Variants in NAV2 observed in about 807,000 individuals in gnomAD.
NAV2 encodes neuron navigator 2.
In NAV2, 54 loss-of-function variants were observed where a neutral mutation model predicts 223.2. The ratio of observed to expected loss-of-function variants is 0.24; its 90% CI spans 0.19 to 0.30. The LOEUF (loss-of-function observed/expected upper bound fraction) is 0.30, where lower values mean the gene tolerates loss of function less well. NAV2 is among the 10% of genes least tolerant of loss of function. The pLI, the probability that NAV2 is intolerant of heterozygous loss-of-function variation, is 1.00. For synonymous variants in NAV2, 1,279 were observed against 1,239.3 expected (o/e 1.03, Z -0.67); for missense variants, 2,806 against 3,147.5 (o/e 0.89, Z 2.60).
chr11:19,469,215 G>A (rs1336739406), intron 1 of NAV2, among the ~76,000 whole-genome samples: 3 of 152,182 alleles, frequency 2.0e-5, no homozygotes, highest in African/African-American at 4.8e-5. Context: ...TCTTGCTCCA[G>A]TTCTAGCACC....
intron 2 of NAV2, among the ~76,000 whole-genome samples, chr11:19,832,834 G>C (rs61879373): frequency 0.11 from 16,566 of 152,204 alleles, 1,058 homozygotes; most frequent in Admixed American, 0.16. Flanking sequence ...TAGAAGAAAG[G>C]CTGGCCAAGG....
intron 35 of NAV2, chr11:20,107,239 G>C (rs1052298945): frequency 6.7e-6 from 1 of 150,220 alleles, no homozygotes; most frequent in African/African-American, 2.5e-5. Flanking sequence ...CACCACGCCT[G>C]GCTAGTTTTT....
At chr11:19,477,314 A>T (rs763539766) in intron 1 of NAV2, among the ~76,000 whole-genome samples, 10 of 152,218 alleles carry the variant, frequency 6.6e-5, no homozygotes, top group Non-Finnish European at 1.2e-4. Context: ...ACATTACACC[A>T]AAACCTCCTA....
chr11:20,072,848 G>A (rs1187974553), intron 22 of NAV2, among the ~76,000 whole-genome samples: 3 of 152,054 alleles, frequency 2.0e-5, no homozygotes, highest in Non-Finnish European at 4.4e-5. Context: ...GAGAAGATGG[G>A]GTTTTCTAAA....
intron 1 of NAV2, among the ~76,000 whole-genome samples, chr11:19,392,644 T>G (rs1590110892): frequency 6.6e-6 from 1 of 152,270 alleles, no homozygotes; most frequent in East Asian, 1.9e-4. Context: ...CAGCATCACT[T>G]CTCCAGCATT....
intron 1 of NAV2, among the ~76,000 whole-genome samples, chr11:19,735,965 A>G (rs935913390): frequency 1.3e-5 from 2 of 152,200 alleles, no homozygotes; most frequent in African/African-American, 4.8e-5. Flanking sequence ...TGGGGGCAAC[A>G]TCAGCCTGAC....
chr11:19,392,889 T>C (rs2133231219), intron 1 of NAV2, among the ~76,000 whole-genome samples: 1 of 152,322 alleles, frequency 6.6e-6, no homozygotes. Context: ...TTATTTACAA[T>C]TGAAGTGACT....
intron 1 of NAV2, among the ~76,000 whole-genome samples, chr11:19,469,773 C>A (rs2041904930): frequency 6.6e-6 from 1 of 152,218 alleles, no homozygotes; most frequent in South Asian, 2.1e-4. Flanking sequence ...TGTTCTACAT[C>A]TTTTTACTGG....
At chr11:19,972,934 A>G (rs1196663313) in intron 10 of NAV2, among the ~76,000 whole-genome samples, 1 of 152,184 alleles carries the variant, frequency 6.6e-6, no homozygotes. Context: ...ATGTGACTCT[A>G]TGTGAGCCCT....
chr11:19,368,017 A>G (rs976826229), intron 1 of NAV2, among the ~76,000 whole-genome samples: 2 of 152,218 alleles, frequency 1.3e-5, no homozygotes, highest in Non-Finnish European at 2.9e-5. Flanking sequence ...CATTCAGAAT[A>G]GGCAATTAGA....
intron 25 of NAV2, among the ~76,000 whole-genome samples, 174 bp from the exon 26 acceptor site, chr11:20,082,833 A>G (rs1239281965): frequency 6.6e-6 from 1 of 152,200 alleles, no homozygotes; most frequent in Non-Finnish European, 1.5e-5. Flanking sequence ...TGGCAACACC[A>G]GATAACTCTT....
In NAV2 at chr11:19,948,843, G is replaced by A; in HGVS notation, c.2408G>A (p.Gly803Glu). Residue 803 changes from glycine to glutamate, a missense_variant, in exon 10 of 38, where the codon GGG becomes GAG. This residue lies in a region of NAV2 where 1,167 missense variants were observed against 1,180.5 expected (regional missense o/e 0.99). Transcript: ENST00000349880. ...GGAGACGCCCCCTCAATGGGCAATG[G>A]GTATCCCCCTCGAGCCAACGCCAGC... ...QAGDAPSMGN[G>E]YPPRANASRF... 2 of 1,614,030 alleles carry A rather than the reference G, an allele frequency of 1.2e-6. No homozygotes were observed. Among genetic ancestry groups the A allele is most frequent in the South Asian group, 2.2e-5 (2 of 91,062 alleles).
chr11:19,992,100 TCTC>T (rs2051395373), intron 11 of NAV2, among the ~76,000 whole-genome samples: 2 of 152,166 alleles, frequency 1.3e-5, no homozygotes, highest in African/African-American at 2.4e-5. Context: ...CCTTTCCTCT[TCTC>T]CTAGTTGTGT....
At chr11:20,012,229 T>G (rs2053616752) in intron 11 of NAV2, among the ~76,000 whole-genome samples, 2 of 152,232 alleles carry the variant, frequency 1.3e-5, no homozygotes, top group African/African-American at 4.8e-5. Context: ...AATGAGAACA[T>G]TTATCTTTCT....
chr11:19,804,095 T>C (rs2058418391), intron 1 of NAV2, among the ~76,000 whole-genome samples: 1 of 152,206 alleles, frequency 6.6e-6, no homozygotes, highest in Non-Finnish European at 1.5e-5. Flanking sequence ...CCAGACCTCA[T>C]GCACTAAAGA....
At chr11:19,633,671 C>G (rs915437914) in intron 1 of NAV2, among the ~76,000 whole-genome samples, 4 of 152,226 alleles carry the variant, frequency 2.6e-5, no homozygotes, top group African/African-American at 9.6e-5. Context: ...CCAGGGGAAG[C>G]ATTTTGAGTG....
intron 1 of NAV2, among the ~76,000 whole-genome samples, chr11:19,412,908 A>G (rs1001605300): frequency 2.0e-5 from 3 of 152,118 alleles, no homozygotes; most frequent in African/African-American, 7.2e-5. Context: ...CCACACAAAA[A>G]CCCCATCTGA....
At chr11:20,048,162 A>T (rs970378656) in intron 14 of NAV2, among the ~76,000 whole-genome samples, 2 of 152,166 alleles carry the variant, frequency 1.3e-5, no homozygotes, top group African/African-American at 4.8e-5. Flanking sequence ...GCTTCAAAAG[A>T]TACATCTTTC....
At chr11:19,867,741 G>A (rs930619446) in intron 3 of NAV2, among the ~76,000 whole-genome samples, 1 of 152,212 alleles carries the variant, frequency 6.6e-6, no homozygotes, top group South Asian at 2.1e-4. Context: ...TATTATGGGT[G>A]CAGTTTTATT....
Sources: allele counts gnomAD v4.1 joint callset (sites outside exome capture counted in the v4.1 genomes callset), GRCh38; gene constraint gnomAD v4.1.1; regional missense constraint gnomAD v4.1.1; transcripts MANE v1.5; gene names NCBI Gene and HGNC (gene_info 2026-07-23, HGNC 2026-07-21).